Variants in PDLIM7 observed in about 807,000 individuals in gnomAD.
PDLIM7 encodes PDZ and LIM domain protein 7.
In PDLIM7, 37 loss-of-function variants were observed where a neutral mutation model predicts 53.9. The ratio of observed to expected loss-of-function variants is 0.69; its 90% CI spans 0.53 to 0.90. The LOEUF (loss-of-function observed/expected upper bound fraction) is 0.90, where lower values mean the gene tolerates loss of function less well. Ranked by LOEUF, PDLIM7 falls within the 40% of genes least tolerant of loss-of-function variation. The pLI is 0.00. For missense variants in PDLIM7, 617 were observed against 638.5 expected, an observed-to-expected ratio of 0.97 and a Z score of 0.36; for synonymous variants, 300 against 261.3, an observed-to-expected ratio of 1.15 and a Z score of -1.43.
intron 2 of PDLIM7, among the ~76,000 whole-genome samples, chr5:177,494,319 G>A (rs1758956592): frequency 6.6e-6 from 1 of 152,210 alleles, no homozygotes; most frequent in Non-Finnish European, 1.5e-5. Context: ...TGAGGGGTCA[G>A]CCCACCTGGA....
At chr5:177,486,685 C>T (rs940635583) in intron 10 of PDLIM7, among the ~76,000 whole-genome samples, 2 of 152,116 alleles carry the variant, frequency 1.3e-5, no homozygotes, top group Non-Finnish European at 2.9e-5. Flanking sequence ...GTCGCCCAGG[C>T]TGGAGTGCAG....
Position 177,491,393 on chromosome 5 carries a change from GGCTCAC to G in PDLIM7, c.399-253_399-248del. 2.6e-6 allele frequency: 4 copies of G among 1,552,142 alleles called. No individual in the cohort carries two copies. In the East Asian group the frequency reaches 9.7e-5, roughly 38 times the overall value. ...AAGAAGAAAGGCACAGGCAGAGGGGGGCTCACTGACTTGTCAGGGGTCTGCACCTGT... is the reference window on the plus strand; with the variant it reads ...AAGAAGAAAGGCACAGGCAGAGGGGGTGACTTGTCAGGGGTCTGCACCTGT... On this transcript the variant is annotated intron_variant, in intron 5 of 12. Coordinates refer to ENST00000355841, the MANE Select transcript of PDLIM7 (RefSeq NM_005451.5).
chr5:177,492,980 C>T, intron 2 of PDLIM7: 1 of 413,820 alleles, frequency 2.4e-6, no homozygotes. Flanking sequence ...ACCACCCTCC[C>T]CCACAGTCCA....
rs569357899 is a variant in PDLIM7, at chr5:177,494,072, A to G, written c.97-1395T>C. Among the ~76,000 whole-genome samples, 4 of 152,360 alleles carry G rather than the reference A, an allele frequency of 2.6e-5. No individual in the cohort carries two copies. In the East Asian group the frequency reaches 5.8e-4, roughly 22 times the overall value. Reference sequence around the variant, plus strand: ...CGGCGGCCCCTTCCTCACTCGCTAGATAAGAAGACTTGCTTCAGTTTATTG... The same window carrying G: ...CGGCGGCCCCTTCCTCACTCGCTAGGTAAGAAGACTTGCTTCAGTTTATTG... On this transcript the variant is annotated intron_variant, in intron 2 of 12. Coordinates refer to ENST00000355841, the MANE Select transcript of PDLIM7 (RefSeq NM_005451.5).
chr5:177,483,971 T>G lies in PDLIM7; in HGVS notation c.1183A>C (p.Met395Leu). ...CAGCCATGGCATTTCGTGCCAAACATCTTCTCATAGTCTGAGAATGGGGGC... is the reference window on the plus strand; with the variant it reads ...CAGCCATGGCATTTCGTGCCAAACAGCTTCTCATAGTCTGAGAATGGGGGC... ...VPYCERDYEK[M>L]FGTKCHGCDF... The change falls in exon 12 of 13, where the codon ATG becomes CTG. Residue 395 changes from methionine to leucine, a missense_variant. Met to Leu is a conservative substitution (Grantham distance 15). Coordinates refer to ENST00000355841, the MANE Select transcript of PDLIM7 (RefSeq NM_005451.5). The G allele has an allele frequency of 6.2e-7, 1 of 1,613,852 alleles. No homozygotes were observed. The highest frequency in any genetic ancestry group is 1.6e-4 in the Middle Eastern group (1 of 6,062).
rs2127409035 is a variant in PDLIM7 at position 177,483,535 on chromosome 5, C to T, written c.*109G>A. The T allele has an allele frequency of 1.3e-6, 1 of 784,532 alleles. No individual in the cohort carries two copies. Among genetic ancestry groups the T allele is most frequent in the Non-Finnish European group, 2.1e-6 (1 of 484,652 alleles). 48.6% of individuals were successfully genotyped at this position (784,532 alleles called of 1,614,324 possible). ...GGCCCAGGGAGCCCCAGGCTCGGGCCAGGAGCCAGGGTTAAGGCAACCATT... is the reference window on the plus strand; with the variant it reads ...GGCCCAGGGAGCCCCAGGCTCGGGCTAGGAGCCAGGGTTAAGGCAACCATT... On this transcript the variant is annotated 3_prime_UTR_variant, in exon 13 of 13. Transcript: ENST00000355841.
intron 2 of PDLIM7, among the ~76,000 whole-genome samples, chr5:177,493,635 T>C (rs1484478689): frequency 6.6e-6 from 1 of 152,146 alleles, no homozygotes; most frequent in Non-Finnish European, 1.5e-5. Context: ...GGATTGGGTA[T>C]CTCCCAGGCC....
chr5:177,497,064 C>A (rs567039119), intron 1 of PDLIM7, among the ~76,000 whole-genome samples: 2 of 139,506 alleles, frequency 1.4e-5, no homozygotes, highest in African/African-American at 5.2e-5. Flanking sequence ...TGCAGCGGAT[C>A]CTCCTAGCCA....
At chr5:177,484,462 A>C in intron 10 of PDLIM7, 4 of 422,250 alleles carry the variant, frequency 9.5e-6, no homozygotes, top group Admixed American at 4.0e-5. Context: ...GCGGATGGCA[A>C]CTCCATTCTC....
At chr5:177,491,992 G>A (rs1442546300) in intron 4 of PDLIM7, 67 bp from the exon 5 acceptor site, 6 of 721,098 alleles carry the variant, frequency 8.3e-6, no homozygotes, top group South Asian at 3.2e-5. Context: ...TGGAAGTGGG[G>A]CGCCTGCAGC....
chr5:177,489,163 C>G (rs942778990), intron 9 of PDLIM7, among the ~76,000 whole-genome samples: 4 of 152,234 alleles, frequency 2.6e-5, no homozygotes, highest in Admixed American at 1.3e-4. Context: ...ATGGTTGGCC[C>G]TTCGGCTATT....
rs1226042782 is a variant in PDLIM7 at position 177,491,876 on chromosome 5, A to G, written c.329T>C (p.Val110Ala). 2 of 1,244,128 alleles carry G rather than the reference A, an allele frequency of 1.6e-6. No individual in the cohort carries two copies. The highest frequency in any genetic ancestry group is 2.0e-6 in the Non-Finnish European group (2 of 988,946). The allele number at this position is 1,244,128 out of a possible 1,614,324, so 77.1% of individuals were successfully genotyped here. A position where few individuals can be genotyped will look rare whatever the true frequency, so the allele number is the denominator to read the frequency against. Residue 110 changes from valine to alanine, a missense_variant, in exon 5 of 13, where the codon GTC becomes GCC. Coordinates refer to ENST00000355841, the MANE Select transcript of PDLIM7 (RefSeq NM_005451.5). ...GGGCCGGGCCGTCTTGTTGAGGGAG[A>G]CGCTGGGTGCAAAGGTGTACCGCGG... ...DPPRYTFAPS[V>A]SLNKTARPFG... is the part of the protein sequence containing the mutation.
intron 10 of PDLIM7, 120 bp from the exon 11 acceptor site, chr5:177,484,310 A>C: frequency 8.4e-7 from 1 of 1,191,774 alleles, no homozygotes; most frequent in Non-Finnish European, 1.2e-6. Flanking sequence ...ACTACATCTA[A>C]CTGTTCAGGA....
In PDLIM7 at chr5:177,491,024, G is replaced by A. The variant is rs1222816382; in HGVS notation, c.521C>T (p.Thr174Ile). 2 of 1,613,542 alleles carry A rather than the reference G, an allele frequency of 1.2e-6. No homozygotes were observed. The highest frequency in any genetic ancestry group is 1.7e-5 in the Admixed American group (1 of 59,928). The change falls in exon 6 of 13, where the codon ACA becomes ATA. Residue 174 changes from threonine (T) to isoleucine (I), a missense_variant. Coordinates refer to ENST00000355841, the MANE Select transcript of PDLIM7 (RefSeq NM_005451.5). Reference sequence around the variant, plus strand: ...CTGGCACTTACTGAACTCGGTGCCTGTGAGGTGGGCAAGGATGCGGAAGGA... The same window carrying A: ...CTGGCACTTACTGAACTCGGTGCCTATGAGGTGGGCAAGGATGCGGAAGGA... Reference protein sequence around the residue: ...SRSFRILAHLTGTEFMQDPDE... With the variant: ...SRSFRILAHLIGTEFMQDPDE...
intron 8 of PDLIM7, 48 bp from the exon 9 acceptor site, chr5:177,489,675 CG>C (rs1561702064): frequency 2.0e-6 from 3 of 1,508,328 alleles, no homozygotes; most frequent in Non-Finnish European, 1.8e-6. Flanking sequence ...CCCCAAAGGA[CG>C]GGGGTGGAGC....
chr5:177,484,023 C>A, intron 11 of PDLIM7, 41 bp from the exon 12 acceptor site: 1 of 1,613,266 alleles, frequency 6.2e-7, no homozygotes. Flanking sequence ...TGGATTCATG[C>A]CTGCCCCATG....
chr5:177,486,713 A>G (rs1758466901), intron 10 of PDLIM7, among the ~76,000 whole-genome samples: 1 of 151,980 alleles, frequency 6.6e-6, no homozygotes, highest in South Asian at 2.1e-4. Flanking sequence ...ATCTCGGCTC[A>G]CTGCAAGCTC....
intron 7 of PDLIM7, chr5:177,490,130 G>T (rs1486708583): frequency 4.7e-6 from 7 of 1,499,692 alleles, no homozygotes; most frequent in Non-Finnish European, 8.9e-7. Flanking sequence ...CCCTTTGCCA[G>T]GTACCCCCTC....
intron 7 of PDLIM7, chr5:177,490,553 G>A (rs1156230731): frequency 1.5e-5 from 23 of 1,565,250 alleles, no homozygotes; most frequent in Middle Eastern, 2.1e-4. Flanking sequence ...TCCCGGAGGC[G>A]GGTGTAGCGT....
Sources: gnomAD v4.1 joint callset for allele counts (sites outside exome capture counted in the v4.1 genomes callset) on GRCh38, gnomAD v4.1.1 for gene constraint, MANE v1.5 for transcripts, NCBI Gene and HGNC (gene_info 2026-07-23, HGNC 2026-07-21) for gene names.